SMIM14: variants seen among roughly 807,000 people sequenced by gnomAD.
SMIM14 encodes the protein small integral membrane protein 14.
A neutral mutation model predicts 12.6 loss-of-function variants in SMIM14; 5 were observed. The observed-to-expected ratio is 0.40, with a 90% confidence interval of 0.21 to 0.83. The LOEUF is 0.83. Among genes scored for constraint, SMIM14 ranks in the 40% least tolerant of loss-of-function variants. SMIM14 has a pLI of 0.37. For missense variants in SMIM14, 86 were observed against 119.1 expected (o/e 0.72, Z 1.29); for synonymous variants, 30 against 40.1 (o/e 0.75, Z 0.95).
chr4:39,572,700 T>C (rs1712964359), intron 2 of SMIM14, among the ~76,000 whole-genome samples: 2 of 152,046 alleles, frequency 1.3e-5, no homozygotes, highest in African/African-American at 4.8e-5. Context: ...TGTGTGCCTG[T>C]AGTCTCAGCT....
chr4:39,613,791 C>T (rs1560304553), intron 1 of SMIM14, among the ~76,000 whole-genome samples: 3 of 152,096 alleles, frequency 2.0e-5, no homozygotes, highest in Admixed American at 6.6e-5. Context: ...ACCAAAGTCA[C>T]GGGGGGCTTG....
At position 39,605,059 on chromosome 4, in the gene SMIM14, G is replaced by A. The variant is rs1422084459; in HGVS notation, c.75+12C>T. The A allele has an allele frequency of 2.6e-6, 4 of 1,520,112 alleles. No individual in the cohort carries two copies. The highest frequency in any genetic ancestry group is 2.7e-6 in the Non-Finnish European group (3 of 1,098,834). The allele number at this position is 1,520,112 out of a possible 1,614,324, so 94.2% of individuals were successfully genotyped here. A position where few individuals can be genotyped will look rare whatever the true frequency, so the allele number is the denominator to read the frequency against. On this transcript the variant is annotated intron_variant, in intron 2 of 4. Coordinates refer to ENST00000295958, the MANE Select transcript of SMIM14 (RefSeq NM_174921.3). ...GATCAGTTCAGAATAGGATTGTCCT[G>A]TTGCATCTCACCAGATTGATCAGTC...
At chr4:39,590,174 G>T (rs1359308016) in intron 2 of SMIM14, among the ~76,000 whole-genome samples, 3 of 151,994 alleles carry the variant, frequency 2.0e-5, no homozygotes, top group African/African-American at 7.3e-5. Flanking sequence ...AGCACTTTGG[G>T]GGGCCAAGGC....
intron 4 of SMIM14, among the ~76,000 whole-genome samples, chr4:39,554,830 A>ATTTT (rs34845808): frequency 1.6e-5 from 2 of 124,018 alleles, no homozygotes; most frequent in African/African-American, 3.0e-5. Flanking sequence ...AATTCATGGA[A>ATTTT]TTTTTTTTTT....
chr4:39,571,058 AAGATGTGTCACAT>A (rs1258512643), intron 3 of SMIM14, among the ~76,000 whole-genome samples: 5 of 152,124 alleles, frequency 3.3e-5, no homozygotes, highest in Non-Finnish European at 7.3e-5. Flanking sequence ...ATCCTGAAAA[AAGATGTGTCACAT>A]AATGGTCACT....
chr4:39,612,062 A>G (rs1436640236), intron 1 of SMIM14: 1 of 151,948 alleles, frequency 6.6e-6, no homozygotes, highest in African/African-American at 2.4e-5. Flanking sequence ...AAGCAACACC[A>G]TATGCAAACT....
rs1711677224 is a variant in SMIM14 at position 39,551,069 on chromosome 4, T to C, written c.*1057A>G. 1.3e-5 allele frequency: 2 copies of C among 152,056 alleles called. No homozygotes were observed. The highest frequency in any genetic ancestry group is 4.8e-5 in the African/African-American group (2 of 41,388). 9.4% of individuals were successfully genotyped at this position (152,056 alleles called of 1,614,324 possible). A position where few individuals can be genotyped will look rare whatever the true frequency, so the allele number is the denominator to read the frequency against. ...GGATTACAGGCACATGCACCAACCC[T>C]GGCTAATTTTTCTGTATTTTTAGTA... is the stretch of plus-strand genomic sequence containing the variant. On this transcript the variant is annotated 3_prime_UTR_variant, in exon 5 of 5. Coordinates refer to ENST00000295958, the MANE Select transcript of SMIM14 (RefSeq NM_174921.3).
rs1445162976 is a variant in SMIM14, at chr4:39,572,460, G to A, written c.79C>T (p.Arg27Trp). 24 of 1,607,348 alleles carry A rather than the reference G, an allele frequency of 1.5e-5. No homozygotes were observed. Among genetic ancestry groups the A allele is most frequent in the African/African-American group, 4.0e-5 (3 of 74,508 alleles). ...HAMRRLINLL[R>W]QSQSYCTDTE... ...TCTGTGCAGTAGGACTGGGACTGCC[G>A]TAACTACAATGAATAAGAAAGGGAA... Residue 27 changes from arginine to tryptophan, a missense_variant, in exon 3 of 5, where the codon CGG (arginine) becomes TGG (tryptophan). Arg to Trp is a moderately radical substitution (Grantham distance 101). Transcript: ENST00000295958.
At chr4:39,619,760 A>G (rs1715392055) in intron 1 of SMIM14, among the ~76,000 whole-genome samples, 1 of 139,232 alleles carries the variant, frequency 7.2e-6, no homozygotes, top group South Asian at 2.1e-4. Flanking sequence ...TTTATTATAT[A>G]TATATCAATA....
chr4:39,556,594 C>A, intron 3 of SMIM14, 24 bp from the exon 4 acceptor site: 1 of 1,569,712 alleles, frequency 6.4e-7, no homozygotes, highest in Non-Finnish European at 8.6e-7. Flanking sequence ...AAAAATGTAG[C>A]ATGCTCACAA....
At chr4:39,553,807 T>G (rs1165026240) in intron 4 of SMIM14, among the ~76,000 whole-genome samples, 2 of 151,934 alleles carry the variant, frequency 1.3e-5, no homozygotes, top group Non-Finnish European at 2.9e-5. Flanking sequence ...TTGGCTAGGC[T>G]GGTCTTGAAC....
At chr4:39,603,252 A>G (rs751462669) in intron 2 of SMIM14, among the ~76,000 whole-genome samples, 1 of 152,230 alleles carries the variant, frequency 6.6e-6, no homozygotes, top group African/African-American at 2.4e-5. Flanking sequence ...TTCCTTTTGC[A>G]CATAAAAAGT....
chr4:39,619,786 ATATT>A (rs1715394738), intron 1 of SMIM14, among the ~76,000 whole-genome samples: 1 of 139,614 alleles, frequency 7.2e-6, no homozygotes, highest in Non-Finnish European at 1.5e-5. Context: ...TTTATTATAT[ATATT>A]TATATATATC....
intron 3 of SMIM14, among the ~76,000 whole-genome samples, chr4:39,567,594 G>C (rs1390066545): frequency 1.3e-5 from 2 of 151,946 alleles, no homozygotes; most frequent in Non-Finnish European, 2.9e-5. Context: ...AAAATTAGCC[G>C]GGTGTGGTGG....
At chr4:39,615,643 A>G (rs1250436789) in intron 1 of SMIM14, among the ~76,000 whole-genome samples, 1 of 152,154 alleles carries the variant, frequency 6.6e-6, no homozygotes, top group East Asian at 1.9e-4. Context: ...TGAGAACTCT[A>G]TACTTTCTTC....
At chr4:39,574,237 C>CTTTTTTTTTTTTTTTT (rs11338888) in intron 2 of SMIM14, among the ~76,000 whole-genome samples, 5 of 126,886 alleles carry the variant, frequency 3.9e-5, no homozygotes, top group Non-Finnish European at 8.2e-5. Context: ...CTGCAACTTT[C>CTTTTTTTTTTTTTTTT]TTTTTTTTTT....
intron 1 of SMIM14, among the ~76,000 whole-genome samples, chr4:39,628,522 T>A (rs1261401153): frequency 6.7e-6 from 1 of 150,252 alleles, no homozygotes; most frequent in Admixed American, 6.6e-5. Context: ...AAAATATTTT[T>A]AAAAAAATTA....
At chr4:39,602,085 TA>T (rs200193807) in intron 2 of SMIM14, among the ~76,000 whole-genome samples, 2 of 137,282 alleles carry the variant, frequency 1.5e-5, no homozygotes, top group East Asian at 4.6e-4. Context: ...CCCACCTCTA[TA>T]AAAAAAACAA....
chr4:39,611,719 T>C (rs985888788), intron 1 of SMIM14, among the ~76,000 whole-genome samples: 1 of 152,084 alleles, frequency 6.6e-6, no homozygotes, highest in African/African-American at 2.4e-5. Context: ...CAAACAAGTA[T>C]GCAAAATTTC....
Sources: gnomAD v4.1 joint callset for allele counts (sites outside exome capture counted in the v4.1 genomes callset) on GRCh38, gnomAD v4.1.1 for gene constraint, MANE v1.5 for transcripts, NCBI Gene and HGNC (gene_info 2026-07-23, HGNC 2026-07-21) for gene names.